Variants in PDE10A observed in about 807,000 individuals in gnomAD.
The protein encoded by PDE10A is phosphodiesterase 10A.
Under a neutral mutation model 97.7 loss-of-function variants are expected in PDE10A, and 39 were observed. That is an observed-to-expected ratio of 0.40 (90% CI 0.31 to 0.52). The LOEUF (loss-of-function observed/expected upper bound fraction) is 0.52. Ranked by LOEUF, PDE10A falls within the 20% of genes least tolerant of loss-of-function variation. PDE10A has a pLI of 0.56. For synonymous variants in PDE10A, 371 were observed against 376.8 expected (o/e 0.98, Z 0.18); for missense variants, 731 against 1,047.8 (o/e 0.70, Z 4.17).
intron 17 of PDE10A, among the ~76,000 whole-genome samples, chr6:165,380,673 G>C (rs1784876135): frequency 6.6e-6 from 1 of 152,168 alleles, no homozygotes; most frequent in Non-Finnish European, 1.5e-5. Flanking sequence ...TACATGAGAT[G>C]CTATGAGATG....
At chr6:165,758,285 G>A (rs1724433422) in intron 1 of PDE10A, among the ~76,000 whole-genome samples, 1 of 151,964 alleles carries the variant, frequency 6.6e-6, no homozygotes, top group African/African-American at 2.4e-5. Context: ...ACATGGTGAA[G>A]CCCCATCTCT....
At chr6:165,454,987 T>A (rs969758242) in intron 3 of PDE10A, among the ~76,000 whole-genome samples, 1 of 152,104 alleles carries the variant, frequency 6.6e-6, no homozygotes. Flanking sequence ...AGAAGAATCC[T>A]ACTATGCCAC....
At chr6:165,447,085 G>T (rs957078553) in intron 5 of PDE10A, among the ~76,000 whole-genome samples, 5 of 151,224 alleles carry the variant, frequency 3.3e-5, no homozygotes, top group African/African-American at 9.8e-5. Context: ...AAAGAAGTCT[G>T]CAAATAAAGC....
chr6:165,436,341 A>G (rs1790014824), intron 5 of PDE10A, among the ~76,000 whole-genome samples: 1 of 152,200 alleles, frequency 6.6e-6, no homozygotes, highest in African/African-American at 2.4e-5. Context: ...TTATTTATTA[A>G]CTTATCAGGT....
chr6:165,657,650 G>C (rs1300504364), intron 1 of PDE10A, among the ~76,000 whole-genome samples: 1 of 152,176 alleles, frequency 6.6e-6, no homozygotes, highest in Non-Finnish European at 1.5e-5. Context: ...CTAATATACT[G>C]ATTGGGATAG....
At chr6:165,714,523 A>C (rs1791978896) in intron 1 of PDE10A, among the ~76,000 whole-genome samples, 1 of 152,206 alleles carries the variant, frequency 6.6e-6, no homozygotes, top group African/African-American at 2.4e-5. Flanking sequence ...CAAGGCTGGT[A>C]GGTGATGTGG....
intron 1 of PDE10A, among the ~76,000 whole-genome samples, chr6:165,726,988 C>T (rs999977322): frequency 7.2e-5 from 11 of 152,222 alleles, no homozygotes; most frequent in Admixed American, 4.6e-4. Flanking sequence ...CAGAAACGCC[C>T]CCGTGTCCAC....
intron 18 of PDE10A, among the ~76,000 whole-genome samples, chr6:165,367,342 G>C (rs1783845348): frequency 6.6e-6 from 1 of 151,622 alleles, no homozygotes; most frequent in Non-Finnish European, 1.5e-5. Context: ...AAAAAAAACA[G>C]TGAGATTAGA....
chr6:165,853,704 G>A (rs1291204845), intron 1 of PDE10A, among the ~76,000 whole-genome samples: 1 of 152,106 alleles, frequency 6.6e-6, no homozygotes, highest in Non-Finnish European at 1.5e-5. Context: ...CATAAAAAAC[G>A]AACTTCCCCA....
intron 1 of PDE10A, among the ~76,000 whole-genome samples, chr6:165,771,916 G>C (rs569869934): frequency 1.1e-4 from 17 of 152,228 alleles, no homozygotes; most frequent in African/African-American, 3.6e-4. Context: ...AGGCCAGAGA[G>C]ACCGGGGCAC....
At chr6:165,833,311 T>A (rs1779976830) in intron 1 of PDE10A, among the ~76,000 whole-genome samples, 1 of 152,254 alleles carries the variant, frequency 6.6e-6, no homozygotes, top group Admixed American at 6.5e-5. Context: ...CTGGATAAAC[T>A]GTAATATACA....
At chr6:165,952,687 A>T (rs1461964179) in intron 1 of PDE10A, among the ~76,000 whole-genome samples, 1 of 152,210 alleles carries the variant, frequency 6.6e-6, no homozygotes, top group East Asian at 1.9e-4. Flanking sequence ...TCTGCACGGG[A>T]CGGAAAGCGC....
intron 3 of PDE10A, among the ~76,000 whole-genome samples, chr6:165,470,589 A>G (rs1778933811): frequency 1.3e-5 from 2 of 152,222 alleles, no homozygotes; most frequent in Admixed American, 6.5e-5. Context: ...ATTACCTCTT[A>G]CAAATTGTTT....
At chr6:165,440,214 A>G (rs2128242807) in intron 5 of PDE10A, among the ~76,000 whole-genome samples, 1 of 152,350 alleles carries the variant, frequency 6.6e-6, no homozygotes, top group Non-Finnish European at 1.5e-5. Flanking sequence ...CTTTGTTTCC[A>G]TAATTCTTAA....
chr6:165,604,486 T>C (rs937682204), intron 1 of PDE10A, among the ~76,000 whole-genome samples: 11 of 143,072 alleles, frequency 7.7e-5, no homozygotes, highest in Admixed American at 7.4e-4. Flanking sequence ...CCTGAGAAGC[T>C]ACATGCACAA....
In PDE10A at chr6:165,408,678, G is replaced by T. The variant is rs374729656; in HGVS notation, c.2076+4823C>A. Among the ~76,000 whole-genome samples, 17 of 152,168 alleles carry T rather than the reference G, an allele frequency of 1.1e-4. No individual in the cohort carries two copies. The East Asian group carries it at 2.3e-3, about 21-fold the overall frequency. On this transcript the variant is annotated intron_variant, in intron 13 of 21. Transcript: ENST00000539869. ...CATTGTAAAGAAGACATGTGAACTG[G>T]TCTTTCTGAATTGGAACAAAGTTTT...
At chr6:165,838,814 C>G (rs1350925187) in intron 1 of PDE10A, among the ~76,000 whole-genome samples, 1 of 152,232 alleles carries the variant, frequency 6.6e-6, no homozygotes, top group African/African-American at 2.4e-5. Context: ...CTGCTCCATT[C>G]CATCCAGGGT....
At chr6:165,452,546 T>TTG (rs1491331903) in intron 3 of PDE10A, among the ~76,000 whole-genome samples, 12 of 152,134 alleles carry the variant, frequency 7.9e-5, no homozygotes, top group African/African-American at 2.9e-4. Context: ...CTTCTCTCTC[T>TTG]TGTACATTCT....
At chr6:165,356,500 TC>T (rs1260148054) in intron 18 of PDE10A, among the ~76,000 whole-genome samples, 5 of 152,190 alleles carry the variant, frequency 3.3e-5, no homozygotes, top group African/African-American at 9.7e-5. Flanking sequence ...GCTTGTCTTT[TC>T]ATTTCCTTAA....
Sources: gnomAD v4.1 joint callset for allele counts (sites outside exome capture counted in the v4.1 genomes callset) on GRCh38, gnomAD v4.1.1 for gene constraint, MANE v1.5 for transcripts, NCBI Gene and HGNC (gene_info 2026-07-23, HGNC 2026-07-21) for gene names.